The following SRGAP2C variants were observed in gnomAD, a reference collection of about 807,000 sequenced individuals.
The protein encoded by SRGAP2C is SLIT-ROBO Rho GTPase-activating protein 2C.
In SRGAP2C, 15 loss-of-function variants were observed where a neutral mutation model predicts 25.1. That is an observed-to-expected ratio of 0.60 (90% confidence interval 0.40 to 0.92). The LOEUF is 0.92. SRGAP2C is among the 40% of genes least tolerant of loss of function. SRGAP2C has a pLI of 0.00. For missense variants in SRGAP2C, 144 were observed against 264.4 expected (o/e 0.54, Z 3.16); for synonymous variants, 44 against 96.6 (o/e 0.46, Z 3.19).
chr1:121,249,578 ATATTTTTTT>A (rs1359574540), intron 2 of SRGAP2C, among the ~76,000 whole-genome samples: 29 of 23,120 alleles, frequency 1.3e-3, no homozygotes, highest in Admixed American at 4.0e-3. Context: ...ATATATATAT[ATATTTTTTT>A]TTTTTTTTTT....
At chr1:121,384,908 C>G (rs1220188418) in intron 8 of SRGAP2C, among the ~76,000 whole-genome samples, 1 of 152,242 alleles carries the variant, frequency 6.6e-6, no homozygotes, top group African/African-American at 2.4e-5. Context: ...TGCTAGCTCA[C>G]TCTTCTGCCA....
chr1:121,392,281 C>T lies in SRGAP2C; in HGVS notation c.*4426C>T, dbSNP rs1191270107. 6.6e-6 allele frequency: 1 copy of T among 151,948 alleles called. No individual in the cohort carries two copies. The highest frequency in any genetic ancestry group is 1.5e-5 in the Non-Finnish European group (1 of 67,912). 9.4% of individuals were successfully genotyped at this position (151,948 alleles called of 1,614,324 possible). On this transcript the variant is annotated 3_prime_UTR_variant, in exon 10 of 10. Coordinates refer to ENST00000367123, the MANE Select transcript of SRGAP2C (RefSeq NM_001329984.2). ...ACCATTCTTTCTTTTCACCTTTCTT[C>T]CTTCTTCCTTCCCCCTCCTCCTTTT... is the stretch of plus-strand genomic sequence containing the variant.
chr1:121,295,729 T>C (rs1348073717), intron 3 of SRGAP2C, among the ~76,000 whole-genome samples: 2 of 149,416 alleles, frequency 1.3e-5, no homozygotes, highest in Non-Finnish European at 3.0e-5. Context: ...AGGGGCTTTT[T>C]TGTTTTTGTT....
chr1:121,258,362 G>T (rs1422966587), intron 2 of SRGAP2C, among the ~76,000 whole-genome samples: 1 of 150,912 alleles, frequency 6.6e-6, no homozygotes, highest in Non-Finnish European at 1.5e-5. Context: ...TTTGTTAATT[G>T]CACAGCAGCT....
At chr1:121,332,608 C>T (rs1472994618) in intron 4 of SRGAP2C, among the ~76,000 whole-genome samples, 66 of 150,896 alleles carry the variant, frequency 4.4e-4, no homozygotes, top group Non-Finnish European at 6.1e-4. Context: ...AAGAGAATTG[C>T]CACAACAGTC....
At chr1:121,271,032 C>G (rs1358823154) in intron 2 of SRGAP2C, among the ~76,000 whole-genome samples, 1 of 151,364 alleles carries the variant, frequency 6.6e-6, no homozygotes, top group Non-Finnish European at 1.5e-5. Flanking sequence ...CTCCTGACCT[C>G]GTGGTCTGCC....
intron 2 of SRGAP2C, among the ~76,000 whole-genome samples, chr1:121,206,394 T>C (rs1187121392): frequency 6.6e-6 from 1 of 151,894 alleles, no homozygotes; most frequent in African/African-American, 2.4e-5. Context: ...GACAGAGGAG[T>C]AAGATCGAAG....
In SRGAP2C at chr1:121,310,829, T is replaced by A. The variant is rs1223870504; in HGVS notation, c.261-13649T>A. Among the ~76,000 whole-genome samples, 2 of 84,270 alleles carry A rather than the reference T, an allele frequency of 2.4e-5. 1 individual carries two copies. Among genetic ancestry groups the A allele is most frequent in the African/African-American group, 8.3e-5 (2 of 23,980 alleles). 55.3% of individuals were successfully genotyped at this position (84,270 alleles called of 152,430 possible). A position where few individuals can be genotyped will look rare whatever the true frequency, so the allele number is the denominator to read the frequency against. On this transcript the variant is annotated intron_variant, in intron 3 of 9. Coordinates refer to ENST00000367123, the MANE Select transcript of SRGAP2C (RefSeq NM_001329984.2). The stretch of plus-strand genomic sequence containing the variant: ...CATGCTGTTTTGCTTACTGTAGCCT[T>A]GTAGTATAGTTTGAAGTCAGGTAGT...
At chr1:121,312,289 A>G (rs1406436266) in intron 3 of SRGAP2C, among the ~76,000 whole-genome samples, 88 of 49,402 alleles carry the variant, frequency 1.8e-3, no homozygotes, top group African/African-American at 6.2e-3. Flanking sequence ...ATCATTTTTT[A>G]TTGTGTCTGT....
rs1314677569 is a variant in SRGAP2C at position 121,213,672 on chromosome 1, T to C, written c.67+26159T>C. Among the ~76,000 whole-genome samples the C allele has an allele frequency of 2.2e-4, 15 of 69,482 alleles. 4 individuals are homozygous for C. The highest frequency in any genetic ancestry group is 1.0e-3 in the African/African-American group (14 of 13,630). The allele number at this position is 69,482 out of a possible 152,430, so 45.6% of individuals were successfully genotyped here. ...CGTCTGTGCTCCCGGGCTGGGGTGCTTATCTGTAGTAGCCAGATGGCCTGG... is the reference window on the plus strand; with the variant it reads ...CGTCTGTGCTCCCGGGCTGGGGTGCCTATCTGTAGTAGCCAGATGGCCTGG... On this transcript the variant is annotated intron_variant, in intron 2 of 9. Transcript: ENST00000367123.
At chr1:121,281,394 A>ACCTCCTGTTCTTCCTTCCTTTT (rs1657238878) in intron 2 of SRGAP2C, among the ~76,000 whole-genome samples, 1 of 138,754 alleles carries the variant, frequency 7.2e-6, no homozygotes, top group African/African-American at 2.7e-5. Context: ...CTCCTTCTCC[A>ACCTCCTGTTCTTCCTTCCTTTT]CCTCCTGTTC....
At chr1:121,295,782 A>G (rs1170788592) in intron 3 of SRGAP2C, among the ~76,000 whole-genome samples, 16 of 151,170 alleles carry the variant, frequency 1.1e-4, no homozygotes, top group East Asian at 7.8e-4. Flanking sequence ...TTTTTTTTAG[A>G]TGGAGTTTCG....
intron 2 of SRGAP2C, among the ~76,000 whole-genome samples, chr1:121,233,087 G>A (rs1655858883): frequency 7.9e-6 from 1 of 125,964 alleles, no homozygotes; most frequent in Non-Finnish European, 1.7e-5. Context: ...GGACAACGTG[G>A]ACCTTGAGTA....
chr1:121,216,166 T>C (rs1408408764), intron 2 of SRGAP2C, among the ~76,000 whole-genome samples: 1 of 152,164 alleles, frequency 6.6e-6, no homozygotes, highest in East Asian at 1.9e-4. Context: ...GGAGACACAG[T>C]AGCAGGAACA....
chr1:121,204,175 G>A lies in SRGAP2C; in HGVS notation c.67+16662G>A. On this transcript the variant is annotated intron_variant, in intron 2 of 9. Transcript: ENST00000367123. ...CTGTCTCCAAAAAAAAAAGATGGAGGTAGTTTTTTGTAATGGCAAGATTGT... is the reference window on the plus strand; with the variant it reads ...CTGTCTCCAAAAAAAAAAGATGGAGATAGTTTTTTGTAATGGCAAGATTGT... Among the ~76,000 whole-genome samples, 3 of 142,578 alleles carry A rather than the reference G, an allele frequency of 2.1e-5. 1 individual carries two copies. Among genetic ancestry groups the A allele is most frequent in the Middle Eastern group, 7.0e-3 (2 of 284 alleles). The allele number at this position is 142,578 out of a possible 152,430, so 93.5% of individuals were successfully genotyped here. A position where few individuals can be genotyped will look rare whatever the true frequency, so the allele number is the denominator to read the frequency against.
At chr1:121,227,480 TA>T (rs1236270029) in intron 2 of SRGAP2C, among the ~76,000 whole-genome samples, 1 of 151,868 alleles carries the variant, frequency 6.6e-6, no homozygotes, top group Non-Finnish European at 1.5e-5. Context: ...AGCAGCATGG[TA>T]CAAACAAAAC....
At chr1:121,355,069 G>A (rs1659030401) in intron 4 of SRGAP2C, among the ~76,000 whole-genome samples, 1 of 93,804 alleles carries the variant, frequency 1.1e-5, no homozygotes, top group Admixed American at 1.3e-4. Context: ...TCCTAGTAAA[G>A]ACTAAGTTTC....
chr1:121,277,228 G>A (rs1324756200), intron 2 of SRGAP2C, among the ~76,000 whole-genome samples: 34 of 146,406 alleles, frequency 2.3e-4, no homozygotes, highest in African/African-American at 8.0e-4. Flanking sequence ...AATATGAATT[G>A]TTATGTGAAA....
At chr1:121,298,465 C>G (rs1411945427) in intron 3 of SRGAP2C, among the ~76,000 whole-genome samples, 2 of 100,252 alleles carry the variant, frequency 2.0e-5, no homozygotes, top group African/African-American at 7.8e-5. Flanking sequence ...CAGTGCAGTA[C>G]AAACCTTAGT....
Sources: allele counts gnomAD v4.1 joint callset (sites outside exome capture counted in the v4.1 genomes callset), GRCh38; gene constraint gnomAD v4.1.1; transcripts MANE v1.5; gene names NCBI Gene and HGNC (gene_info 2026-07-23, HGNC 2026-07-21).